CRAMP1: variants seen among roughly 807,000 people sequenced by gnomAD.
CRAMP1 encodes the protein cramped chromatin regulator 1.
Under a neutral mutation model 115.4 loss-of-function variants are expected in CRAMP1, and 50 were observed. The ratio of observed to expected loss-of-function variants is 0.43; its 90% CI spans 0.35 to 0.55. The LOEUF (loss-of-function observed/expected upper bound fraction) is 0.55, where lower values mean the gene tolerates loss of function less well. Among genes scored for constraint, CRAMP1 ranks in the 20% least tolerant of loss-of-function variants. CRAMP1 has a pLI of 0.01. For synonymous variants in CRAMP1, 866 were observed against 745.4 expected (o/e 1.16, Z -2.64); for missense variants, 1,679 against 1,721.7 (o/e 0.98, Z 0.44).
chr16:1,629,819 A>C (rs190763668), intron 3 of CRAMP1, among the ~76,000 whole-genome samples: 1 of 152,218 alleles, frequency 6.6e-6, no homozygotes, highest in African/African-American at 2.4e-5. Context: ...TAAAGTTTTT[A>C]ATTTTTCATT....
chr16:1,623,399 A>C (rs990510123), intron 2 of CRAMP1, among the ~76,000 whole-genome samples: 3 of 152,202 alleles, frequency 2.0e-5, no homozygotes, highest in African/African-American at 7.2e-5. Context: ...CCATTCTGTT[A>C]GCCTTTACTG....
Position 1,670,545 on chromosome 16 carries a change from T to C in CRAMP1, c.3500-119T>C, listed in dbSNP as rs948580053. On this transcript the variant is annotated intron_variant, in intron 19 of 20. Coordinates refer to ENST00000397412, the MANE Select transcript of CRAMP1 (RefSeq NM_020825.4). ...CGGAAGCTCTTCGCACAAGTCTGGA[T>C]TGGGGCCGGGGCCGGGGCTAGGGCT... 3.2e-5 allele frequency: 35 copies of C among 1,077,458 alleles called. No individual in the cohort carries two copies. The African/African-American group carries it at 4.4e-4, about 14-fold the overall frequency. 66.7% of individuals were successfully genotyped at this position (1,077,458 alleles called of 1,614,324 possible). A position where few individuals can be genotyped will look rare whatever the true frequency, so the allele number is the denominator to read the frequency against.
chr16:1,622,195 G>A (rs2036470757), intron 2 of CRAMP1, among the ~76,000 whole-genome samples: 1 of 152,226 alleles, frequency 6.6e-6, no homozygotes, highest in African/African-American at 2.4e-5. Flanking sequence ...CTGCTCTGAA[G>A]TTTGTGATTG....
intron 1 of CRAMP1, among the ~76,000 whole-genome samples, chr16:1,613,589 G>T (rs1264108150): frequency 1.3e-5 from 2 of 152,166 alleles, no homozygotes. Context: ...CTGTGTACCT[G>T]ATTGTCTGAG....
rs763311481 is a variant in CRAMP1, at chr16:1,662,616, T to C, written c.2540T>C (p.Phe847Ser). The C allele has an allele frequency of 6.2e-6, 10 of 1,614,006 alleles. No homozygotes were observed. The highest frequency in any genetic ancestry group is 7.6e-6 in the Non-Finnish European group (9 of 1,179,882). ...CCCAACAGCCGACACGGGAAGCTCT[T>C]CTCTCCCAGTAAAGAAGCAGAGCTG... ...LPPNSRHGKLFSPSKEAELTF... is the reference protein window; with the variant it reads ...LPPNSRHGKLSSPSKEAELTF... The change falls in exon 12 of 21, where the codon TTC becomes TCC. Residue 847 changes from phenylalanine to serine, a missense_variant. Phe to Ser is a radical substitution (Grantham distance 155). Coordinates refer to ENST00000397412, the MANE Select transcript of CRAMP1 (RefSeq NM_020825.4).
At chr16:1,630,665 G>T (rs556869498) in intron 3 of CRAMP1, among the ~76,000 whole-genome samples, 1 of 152,184 alleles carries the variant, frequency 6.6e-6, no homozygotes, top group African/African-American at 2.4e-5. Flanking sequence ...GCCGCACTCG[G>T]CTGCCCAAAC....
chr16:1,622,332 G>T (rs892124372), intron 2 of CRAMP1, among the ~76,000 whole-genome samples: 12 of 152,222 alleles, frequency 7.9e-5, no homozygotes, highest in Admixed American at 2.0e-4. Context: ...GAGCAACATG[G>T]TGAAACCCCG....
intron 4 of CRAMP1, among the ~76,000 whole-genome samples, chr16:1,633,003 G>A (rs953374649): frequency 6.6e-6 from 1 of 152,168 alleles, no homozygotes; most frequent in Non-Finnish European, 1.5e-5. Flanking sequence ...CACCTGTGCT[G>A]GGCCCTGCTC....
Position 1,656,589 on chromosome 16 carries a change from C to T in CRAMP1, c.1832C>T (p.Ala611Val), listed in dbSNP as rs762046057. The change falls in exon 10 of 21, where the codon GCT becomes GTT. Residue 611 changes from alanine to valine, a missense_variant. By Grantham distance (64) the Ala-to-Val change is moderately conservative (BLOSUM62 0). Transcript: ENST00000397412. This position sits in a 1 kb window ranked among gnomAD's most constrained non-coding sequence, Gnocchi z 5.6. ...APVSKEAADL[A>V]PTGPSPRPGP... ...GTCAGCAAGGAGGCTGCTGACCTTGCTCCCACTGGCCCATCCCCGAGGCCC... is the reference window on the plus strand; with the variant it reads ...GTCAGCAAGGAGGCTGCTGACCTTGTTCCCACTGGCCCATCCCCGAGGCCC... 18 of 1,565,268 alleles carry T rather than the reference C, an allele frequency of 1.1e-5. No homozygotes were observed. The African/African-American group carries it at 1.8e-4, about 15-fold the overall frequency.
At chr16:1,652,336 T>G (rs900224575) in intron 6 of CRAMP1, among the ~76,000 whole-genome samples, 160 bp from the exon 7 acceptor site, 1 of 152,190 alleles carries the variant, frequency 6.6e-6, no homozygotes, top group African/African-American at 2.4e-5. Context: ...ACTTCTTGTT[T>G]GTCACTGTGT....
At chr16:1,616,573 G>T (rs2036421999) in intron 2 of CRAMP1, among the ~76,000 whole-genome samples, 1 of 152,188 alleles carries the variant, frequency 6.6e-6, no homozygotes, top group East Asian at 1.9e-4. Context: ...ATTTTTGGCA[G>T]TTGGGACGAG....
chr16:1,647,810 G>C (rs2036689398), intron 6 of CRAMP1, among the ~76,000 whole-genome samples: 2 of 147,154 alleles, frequency 1.4e-5, no homozygotes, highest in Non-Finnish European at 1.5e-5. Flanking sequence ...GCCTCTGTTT[G>C]AGGGCTCACT....
At chr16:1,652,287 A>G (rs1302721648) in intron 6 of CRAMP1, among the ~76,000 whole-genome samples, 1 of 152,162 alleles carries the variant, frequency 6.6e-6, no homozygotes, top group East Asian at 1.9e-4. Context: ...TTGGAGTGTG[A>G]GGTGTGGTCA....
intron 6 of CRAMP1, among the ~76,000 whole-genome samples, chr16:1,643,626 T>A (rs776891714): frequency 2.6e-4 from 40 of 151,758 alleles, no homozygotes; most frequent in Non-Finnish European, 4.1e-4. Flanking sequence ...ATGTCTGTAC[T>A]CAGTAGCATG....
intron 20 of CRAMP1, 56 bp from the exon 21 acceptor site, chr16:1,673,825 C>G: frequency 6.4e-7 from 1 of 1,570,788 alleles, no homozygotes; most frequent in Admixed American, 1.7e-5. Context: ...ACCCGCCCTC[C>G]ACTGAAGGGC....
At chr16:1,655,851 G>A (rs758125134) in intron 9 of CRAMP1, 26 bp from the exon 10 acceptor site, 1 of 1,589,252 alleles carries the variant, frequency 6.3e-7, no homozygotes, top group Non-Finnish European at 8.6e-7. Context: ...GCTAGCCAGT[G>A]TGGGCCTTCC....
intron 6 of CRAMP1, chr16:1,645,360 A>C (rs912913740): frequency 4.0e-6 from 1 of 251,448 alleles, no homozygotes; most frequent in Non-Finnish European, 8.5e-6. Flanking sequence ...CTAATTTTTT[A>C]TATTTTTAGT....
At chr16:1,623,403 T>C (rs909536597) in intron 2 of CRAMP1, among the ~76,000 whole-genome samples, 5 of 152,232 alleles carry the variant, frequency 3.3e-5, no homozygotes, top group African/African-American at 1.2e-4. Flanking sequence ...TCTGTTAGCC[T>C]TTACTGTTTC....
In CRAMP1 at chr16:1,656,817, C is replaced by T; in HGVS notation, c.2060C>T (p.Thr687Met). 6.5e-7 allele frequency: 1 copy of T among 1,549,650 alleles called. No homozygotes were observed. The highest frequency in any genetic ancestry group is 8.7e-7 in the Non-Finnish European group (1 of 1,146,228). Residue 687 changes from threonine to methionine, a missense_variant, in exon 10 of 21, where the codon ACG becomes ATG. Thr to Met is a moderately conservative substitution (Grantham distance 81). Coordinates refer to ENST00000397412, the MANE Select transcript of CRAMP1 (RefSeq NM_020825.4). The surrounding 1 kb of genome is among the most constrained non-coding windows in gnomAD (Gnocchi z 5.6). ...GWNLQTSESL[T>M]LAEVYLMMGK... ...AACCTGCAGACCTCCGAAAGCCTCACGCTGGCCGAAGTCTACCTCATGATG... is the reference window on the plus strand; with the variant it reads ...AACCTGCAGACCTCCGAAAGCCTCATGCTGGCCGAAGTCTACCTCATGATG...
Sources: gnomAD v4.1 joint callset for allele counts (sites outside exome capture counted in the v4.1 genomes callset) on GRCh38, gnomAD v4.1.1 for gene constraint, Gnocchi (gnomAD v3.1) non-coding constraint, MANE v1.5 for transcripts, NCBI Gene and HGNC (gene_info 2026-07-23, HGNC 2026-07-21) for gene names.